The following CAST variants were observed in gnomAD, a reference collection of about 807,000 sequenced individuals.
CAST encodes calpastatin, also known as MIR583 host.
Under a neutral mutation model 119.6 loss-of-function variants are expected in CAST, and 76 were observed. That is an observed-to-expected ratio of 0.64 (90% CI 0.53 to 0.77). CAST has a LOEUF of 0.77. CAST is among the 30% of genes least tolerant of loss of function. CAST has a pLI of 0.00. For synonymous variants in CAST, 319 were observed against 331.6 expected (o/e 0.96, Z 0.41); for missense variants, 953 against 946.5 (o/e 1.01, Z -0.09).
At chr5:96,531,490 G>C (rs1444865008) in intron 1 of CAST, among the ~76,000 whole-genome samples, 2 of 152,174 alleles carry the variant, frequency 1.3e-5, no homozygotes, top group African/African-American at 4.8e-5. Context: ...AGATTGCCTA[G>C]TATAAATAAC....
At chr5:96,662,587 T>C (rs1426437757) in intron 1 of CAST, 90 bp downstream of exon 1, 2 of 1,293,392 alleles carry the variant, frequency 1.5e-6, no homozygotes, top group Admixed American at 8.5e-5. Context: ...GTTGCCAGGC[T>C]GGCGGGTCTG....
chr5:96,491,879 C>T, the CAST span, among the ~76,000 whole-genome samples: 5 of 152,198 alleles, frequency 3.3e-5, no homozygotes, highest in Non-Finnish European at 5.9e-5. Context: ...GAGAAAGTTG[C>T]CAGATGCAAC....
the CAST span, among the ~76,000 whole-genome samples, chr5:96,226,827 A>T: frequency 6.6e-6 from 1 of 152,174 alleles, no homozygotes; most frequent in South Asian, 2.1e-4. Flanking sequence ...ATTTCCTGTC[A>T]TGACATTTTT....
At chr5:96,246,398 G>T in the CAST span, among the ~76,000 whole-genome samples, 2 of 151,960 alleles carry the variant, frequency 1.3e-5, no homozygotes, top group Non-Finnish European at 2.9e-5. Context: ...TGTTACCCAG[G>T]ATGGTCTCGA....
the CAST span, among the ~76,000 whole-genome samples, chr5:96,328,074 A>C: frequency 6.6e-6 from 1 of 152,166 alleles, no homozygotes; most frequent in Non-Finnish European, 1.5e-5. Context: ...TGAAATAATC[A>C]ACTTTTGTTT....
At chr5:96,748,432 C>G in intron 18 of CAST, 86 bp from the exon 19 acceptor site, 2 of 603,638 alleles carry the variant, frequency 3.3e-6, no homozygotes, top group Non-Finnish European at 5.9e-6. Context: ...ATGTGTTAAT[C>G]AGGAAAAAAA....
chr5:96,432,913 C>G, the CAST span: 1 of 1,614,130 alleles, frequency 6.2e-7, no homozygotes, highest in Non-Finnish European at 8.5e-7. Flanking sequence ...GAGGCTGCTT[C>G]CGGGCCCCCG....
chr5:96,744,537 G>A (rs1456512416), intron 16 of CAST, among the ~76,000 whole-genome samples: 1 of 152,196 alleles, frequency 6.6e-6, no homozygotes, highest in Non-Finnish European at 1.5e-5. Context: ...GGAATTATGG[G>A]AGCTACAATT....
the CAST span, among the ~76,000 whole-genome samples, chr5:96,471,254 A>G: frequency 1.3e-5 from 2 of 152,144 alleles, no homozygotes; most frequent in African/African-American, 4.8e-5. Flanking sequence ...TTACCAGAAA[A>G]TTCACACTGA....
chr5:96,488,174 G>A, the CAST span, among the ~76,000 whole-genome samples: 3 of 152,184 alleles, frequency 2.0e-5, no homozygotes, highest in African/African-American at 7.2e-5. Context: ...AATTCAGTGT[G>A]TATGGACAGA....
At chr5:96,229,427 C>A in the CAST span, among the ~76,000 whole-genome samples, 1 of 151,872 alleles carries the variant, frequency 6.6e-6, no homozygotes, top group Non-Finnish European at 1.5e-5. Flanking sequence ...TAGAAAGCAT[C>A]CATTGGAAAA....
At chr5:96,328,271 G>GGAT in the CAST span, among the ~76,000 whole-genome samples, 1 of 152,118 alleles carries the variant, frequency 6.6e-6, no homozygotes, top group African/African-American at 2.4e-5. Context: ...CAGAAGGCCT[G>GGAT]GATGAGTGTT....
At chr5:96,432,280 G>A in the CAST span, 3 of 689,822 alleles carry the variant, frequency 4.3e-6, no homozygotes, top group African/African-American at 3.6e-5. Flanking sequence ...CAGCTTCCCA[G>A]GCTACTCCGC....
chr5:96,171,913 G>C, the CAST span, among the ~76,000 whole-genome samples: 1 of 152,274 alleles, frequency 6.6e-6, no homozygotes, highest in South Asian at 2.1e-4. Context: ...TCTCCCAAGG[G>C]AGGTCCCCAC....
intron 1 of CAST, 80 bp downstream of exon 1, chr5:96,662,577 G>C (rs1358916463): frequency 2.3e-6 from 3 of 1,302,946 alleles, no homozygotes; most frequent in Non-Finnish European, 1.9e-6. Flanking sequence ...CTCCCTGGGC[G>C]TTGCCAGGCT....
chr5:96,043,916 T>C, the CAST span, among the ~76,000 whole-genome samples: 1,035 of 152,314 alleles, frequency 6.8e-3, 35 homozygotes, highest in Admixed American at 0.059. Flanking sequence ...ACAAAAGCCC[T>C]GCTTCACTGA....
At chr5:96,317,220 T>C in the CAST span, among the ~76,000 whole-genome samples, 5 of 151,786 alleles carry the variant, frequency 3.3e-5, no homozygotes, top group East Asian at 9.7e-4. Flanking sequence ...TCCTAGCACT[T>C]TGGGAGGCCA....
rs181162591 is a variant in CAST at position 96,583,128 on chromosome 5, G to A, written c.60+53248G>A. 3.4e-3 allele frequency among the ~76,000 whole-genome samples: 511 copies of A among 151,934 alleles called. 2 individuals are homozygous for A. The highest frequency in any genetic ancestry group is 0.01 in the Middle Eastern group (3 of 288). The stretch of plus-strand genomic sequence containing the variant: ...GGTTTTTATGGCTGTCCTTCAGAAC[G>A]CCCCACCTTAAAAAAGTCTTTATTA... On this transcript the variant is annotated intron_variant, in intron 1 of 11. Coordinates refer to the CAST transcript ENST00000505143.
intron 1 of CAST, among the ~76,000 whole-genome samples, chr5:96,547,501 T>C (rs182774359): frequency 6.6e-6 from 1 of 152,344 alleles, no homozygotes; most frequent in Non-Finnish European, 1.5e-5. Context: ...CCTGAACAGA[T>C]TGGATGAAGT....
Sources: allele counts gnomAD v4.1 joint callset (sites outside exome capture counted in the v4.1 genomes callset), GRCh38; gene constraint gnomAD v4.1.1; transcripts MANE v1.5; gene names NCBI Gene and HGNC (gene_info 2026-07-23, HGNC 2026-07-21).